DCC: variants seen among roughly 807,000 people sequenced by gnomAD.
DCC encodes the protein netrin receptor DCC.
DCC carries 58 observed loss-of-function variants against 172.5 expected under a neutral mutation model. That is an observed-to-expected ratio of 0.34 (90% CI 0.27 to 0.42). The LOEUF (loss-of-function observed/expected upper bound fraction) is 0.42, where lower values mean the gene tolerates loss of function less well. Among genes scored for constraint, DCC ranks in the 10% least tolerant of loss-of-function variants. DCC has a pLI of 1.00. For missense variants in DCC, 1,740 were observed against 1,791.0 expected (o/e 0.97, Z 0.51); for synonymous variants, 709 against 644.5 (o/e 1.10, Z -1.52).
intron 2 of DCC, among the ~76,000 whole-genome samples, chr18:52,846,233 G>T (rs1253412936): frequency 6.6e-6 from 1 of 152,008 alleles, no homozygotes; most frequent in Admixed American, 6.6e-5. Flanking sequence ...TAATGAAGAA[G>T]TTCTGAGCCT....
At chr18:52,881,387 G>A (rs2039483803) in intron 2 of DCC, among the ~76,000 whole-genome samples, 1 of 152,000 alleles carries the variant, frequency 6.6e-6, no homozygotes, top group Non-Finnish European at 1.5e-5. Flanking sequence ...TGCTTTGGTT[G>A]CCTATGCTTA....
chr18:52,620,710 CCT>C (rs1188461065), intron 1 of DCC, among the ~76,000 whole-genome samples: 1 of 152,002 alleles, frequency 6.6e-6, no homozygotes, highest in African/African-American at 2.4e-5. Flanking sequence ...TGCAGTTTTC[CCT>C]CTGTCTTAAG....
At chr18:52,729,805 C>T (rs1231897398) in intron 1 of DCC, among the ~76,000 whole-genome samples, 1 of 151,764 alleles carries the variant, frequency 6.6e-6, no homozygotes, top group Non-Finnish European at 1.5e-5. Flanking sequence ...CCATAAGAGG[C>T]AAATCTAAGG....
intron 1 of DCC, among the ~76,000 whole-genome samples, chr18:52,360,081 T>C (rs781499608): frequency 1.3e-5 from 2 of 152,234 alleles, no homozygotes; most frequent in African/African-American, 2.4e-5. Flanking sequence ...TATTGCTTTT[T>C]ATTTTTTTGC....
At chr18:52,857,205 C>T (rs1308970700) in intron 2 of DCC, among the ~76,000 whole-genome samples, 1 of 152,146 alleles carries the variant, frequency 6.6e-6, no homozygotes, top group South Asian at 2.1e-4. Flanking sequence ...TGCCTAATGG[C>T]GTGAATCTGA....
chr18:52,474,257 A>C (rs1989032925), intron 1 of DCC, among the ~76,000 whole-genome samples: 1 of 149,542 alleles, frequency 6.7e-6, no homozygotes, highest in Admixed American at 6.7e-5. Flanking sequence ...AGAGAGAAGC[A>C]ATTCATACAC....
Position 53,207,794 on chromosome 18 carries a change from T to C in DCC, c.1838T>C (p.Ile613Thr), listed in dbSNP as rs1484936289. 34 of 1,612,378 alleles carry C rather than the reference T, an allele frequency of 2.1e-5. No individual in the cohort carries two copies. The highest frequency in any genetic ancestry group is 2.9e-5 in the Non-Finnish European group (34 of 1,178,564). Residue 613 changes from isoleucine to threonine, a missense_variant, in exon 11 of 29, where the codon ATA becomes ACA. Transcript: ENST00000442544. ...RYGPGVSTDD[I>T]TVVTLSDVPS... The stretch of plus-strand genomic sequence containing the variant: ...GGTCCGGGCGTCTCTACTGATGATA[T>C]AACAGTGGTTACACTTTCTGACGGT...
chr18:53,453,603 A>G (rs755591041), intron 23 of DCC, among the ~76,000 whole-genome samples: 1 of 152,170 alleles, frequency 6.6e-6, no homozygotes, highest in South Asian at 2.1e-4. Context: ...ACATATATTC[A>G]ACAATTAGGC....
intron 1 of DCC, among the ~76,000 whole-genome samples, chr18:52,342,763 G>A (rs1348005920): frequency 2.0e-5 from 3 of 152,190 alleles, no homozygotes. Flanking sequence ...TCAATTACAC[G>A]ACAGTATTTT....
chr18:52,956,319 C>G (rs1022626340), intron 5 of DCC, among the ~76,000 whole-genome samples: 4 of 151,892 alleles, frequency 2.6e-5, no homozygotes, highest in African/African-American at 9.7e-5. Context: ...AAAAGACTGT[C>G]TTTGCTCCAT....
intron 15 of DCC, among the ~76,000 whole-genome samples, chr18:53,360,195 A>T (rs568255687): frequency 6.6e-6 from 1 of 152,216 alleles, no homozygotes; most frequent in South Asian, 2.1e-4. Flanking sequence ...ACTTTGTTAG[A>T]CAAATGTGGA....
chr18:53,490,549 T>C (rs977588777), intron 26 of DCC, among the ~76,000 whole-genome samples: 1 of 152,216 alleles, frequency 6.6e-6, no homozygotes, highest in African/African-American at 2.4e-5. Context: ...TATTTCATCA[T>C]GTAACAACAA....
At chr18:53,030,262 A>G (rs1223081388) in intron 5 of DCC, among the ~76,000 whole-genome samples, 1 of 152,162 alleles carries the variant, frequency 6.6e-6, no homozygotes, top group African/African-American at 2.4e-5. Flanking sequence ...AAGAGAGATA[A>G]AAGTATAGGA....
chr18:53,348,259 C>T (rs1410269850), intron 15 of DCC, among the ~76,000 whole-genome samples: 3 of 152,154 alleles, frequency 2.0e-5, no homozygotes, highest in Non-Finnish European at 1.5e-5. Flanking sequence ...AAACAAAGGG[C>T]TATAGGCCCC....
At chr18:53,473,223 C>T (rs1208019891) in intron 25 of DCC, among the ~76,000 whole-genome samples, 2 of 152,192 alleles carry the variant, frequency 1.3e-5, no homozygotes, top group East Asian at 3.8e-4. Context: ...CTTAGGCTTT[C>T]AAGTACAAAT....
chr18:53,272,965 A>C (rs1414032980), intron 12 of DCC, among the ~76,000 whole-genome samples: 1 of 152,140 alleles, frequency 6.6e-6, no homozygotes, highest in African/African-American at 2.4e-5. Context: ...AAATTAACCT[A>C]GTGAGAAAAG....
intron 1 of DCC, among the ~76,000 whole-genome samples, chr18:52,745,115 T>G (rs997400004): frequency 1.8e-4 from 27 of 152,230 alleles, no homozygotes; most frequent in African/African-American, 6.0e-4. Flanking sequence ...ACAATAGTCC[T>G]CTTTCTTGAT....
rs754123423 is a variant in DCC at position 53,450,536 on chromosome 18, G to A, written c.3266G>A (p.Ser1089Asn). ...PIGQMHPPHG[S>N]VTPQKNSNLL... is the part of the protein sequence containing the mutation. ...GGACAAATGCACCCCCCGCATGGCA[G>A]TGTCACTCCTCAGAAGAACAGCAAC... The change falls in exon 23 of 29, where the codon AGT (serine) becomes AAT (asparagine). Residue 1089 changes from serine to asparagine, a missense_variant. Physicochemically the swap from Ser to Asn is conservative, Grantham distance 46. Around this residue, in one of 2 missense-constraint regions of DCC, gnomAD observed 1,732 missense variants for 1,767.4 expected, o/e 0.98. Transcript: ENST00000442544. The A allele has an allele frequency of 1.9e-6, 3 of 1,614,018 alleles. No individual in the cohort carries two copies. Among genetic ancestry groups the A allele is most frequent in the African/African-American group, 1.3e-5 (1 of 74,982 alleles).
At chr18:52,416,938 T>G (rs1376892608) in intron 1 of DCC, among the ~76,000 whole-genome samples, 2 of 152,072 alleles carry the variant, frequency 1.3e-5, no homozygotes, top group Admixed American at 1.3e-4. Context: ...GTTATTTTGC[T>G]CGTTAGTTGA....
Sources: allele counts gnomAD v4.1 joint callset (sites outside exome capture counted in the v4.1 genomes callset), GRCh38; gene constraint gnomAD v4.1.1; regional missense constraint gnomAD v4.1.1; transcripts MANE v1.5; gene names NCBI Gene and HGNC (gene_info 2026-07-23, HGNC 2026-07-21).